Variants in EXOC2 observed in about 807,000 individuals in gnomAD.
The protein encoded by EXOC2 is SEC5-like 1.
Under a neutral mutation model 131.8 loss-of-function variants are expected in EXOC2, and 70 were observed. The ratio of observed to expected loss-of-function variants is 0.53; its 90% CI spans 0.44 to 0.65. The LOEUF (loss-of-function observed/expected upper bound fraction) is 0.65. EXOC2 is among the 30% of genes least tolerant of loss of function. The pLI is 0.00. For synonymous variants in EXOC2, 411 were observed against 398.4 expected (o/e 1.03, Z -0.38); for missense variants, 923 against 1,108.6 (o/e 0.83, Z 2.38).
intron 23 of EXOC2, among the ~76,000 whole-genome samples, chr6:513,547 C>G (rs1314118046): frequency 1.3e-5 from 2 of 152,216 alleles, no homozygotes; most frequent in African/African-American, 4.8e-5. Flanking sequence ...CATAAAACCT[C>G]TTATTAAATT....
At chr6:691,009 G>A (rs1284948917) in intron 1 of EXOC2, among the ~76,000 whole-genome samples, 1 of 152,184 alleles carries the variant, frequency 6.6e-6, no homozygotes, top group Non-Finnish European at 1.5e-5. Context: ...CACCTACTAT[G>A]TGGCAGACGC....
chr6:489,969 G>C (rs942334164), intron 26 of EXOC2, among the ~76,000 whole-genome samples: 3 of 152,230 alleles, frequency 2.0e-5, no homozygotes, highest in Non-Finnish European at 4.4e-5. Flanking sequence ...TGTGGGACGG[G>C]TGGCTTGGCG....
At chr6:674,728 T>C (rs67934143) in intron 1 of EXOC2, among the ~76,000 whole-genome samples, 13,707 of 150,960 alleles carry the variant, frequency 0.091, 691 homozygotes, top group Admixed American at 0.13. Flanking sequence ...GTTTGTTTGT[T>C]TGTTTGTTTG....
intron 1 of EXOC2, among the ~76,000 whole-genome samples, chr6:652,429 A>G (rs563776495): frequency 4.7e-4 from 71 of 152,316 alleles, no homozygotes; most frequent in Non-Finnish European, 4.4e-5. Flanking sequence ...GTGTTTTATC[A>G]CCAAATCTAG....
intron 1 of EXOC2, among the ~76,000 whole-genome samples, chr6:670,492 T>TA (rs559216942): frequency 0.013 from 1,903 of 144,902 alleles, 14 homozygotes; most frequent in Middle Eastern, 0.021. Flanking sequence ...TTTTTTAATT[T>TA]AAAAAAAAAA....
chr6:552,420 C>CA (rs2127570229), intron 21 of EXOC2, among the ~76,000 whole-genome samples: 1 of 152,360 alleles, frequency 6.6e-6, no homozygotes, highest in Non-Finnish European at 1.5e-5. Context: ...GGGGCGACTC[C>CA]ACCTGCAATT....
At chr6:647,878 T>C (rs563532811) in intron 1 of EXOC2, among the ~76,000 whole-genome samples, 5 of 151,874 alleles carry the variant, frequency 3.3e-5, no homozygotes, top group Non-Finnish European at 5.9e-5. Context: ...TGGGCCACCA[T>C]GGATAGCCAT....
chr6:649,418 T>C (rs1409851202), intron 1 of EXOC2, among the ~76,000 whole-genome samples: 1 of 152,196 alleles, frequency 6.6e-6, no homozygotes, highest in South Asian at 2.1e-4. Context: ...CACAGGTATA[T>C]AAGATGGGCT....
At chr6:493,639 C>G (rs1411650464) in intron 25 of EXOC2, among the ~76,000 whole-genome samples, 1 of 152,218 alleles carries the variant, frequency 6.6e-6, no homozygotes, top group Non-Finnish European at 1.5e-5. Context: ...CAGGACAGTT[C>G]TGGAGTTTGG....
chr6:607,074 T>G (rs1461746754), intron 7 of EXOC2, among the ~76,000 whole-genome samples: 2 of 152,180 alleles, frequency 1.3e-5, no homozygotes, highest in African/African-American at 2.4e-5. Flanking sequence ...CACCTGTCAT[T>G]TACACAGCGA....
chr6:690,753 T>C (rs1764887168), intron 1 of EXOC2, among the ~76,000 whole-genome samples: 3 of 152,188 alleles, frequency 2.0e-5, no homozygotes, highest in African/African-American at 4.8e-5. Flanking sequence ...TTTAAGTTTG[T>C]GTATTCATAT....
chr6:656,490 G>A, intron 1 of EXOC2: 1 of 1,608,714 alleles, frequency 6.2e-7, no homozygotes, highest in Non-Finnish European at 8.5e-7. Context: ...CGCGTCGGAG[G>A]CGCGCAGGCT....
At chr6:606,950 G>T (rs1360538580) in intron 7 of EXOC2, among the ~76,000 whole-genome samples, 1 of 152,204 alleles carries the variant, frequency 6.6e-6, no homozygotes, top group Non-Finnish European at 1.5e-5. Context: ...TTGTCACTGG[G>T]AGATAAGGAG....
At chr6:489,670 T>G (rs930248548) in intron 26 of EXOC2, among the ~76,000 whole-genome samples, 2 of 152,206 alleles carry the variant, frequency 1.3e-5, no homozygotes, top group African/African-American at 2.4e-5. Context: ...ATGAAAAGCA[T>G]CATAGGGGAG....
At chr6:618,848 C>T (rs62385140) in intron 5 of EXOC2, among the ~76,000 whole-genome samples, 1 of 152,092 alleles carries the variant, frequency 6.6e-6, no homozygotes, top group East Asian at 1.9e-4. Flanking sequence ...TTGATTTATC[C>T]AAACATTTTT....
chr6:525,285 ACTAAG>A (rs1280177760), intron 23 of EXOC2: 1 of 152,256 alleles, frequency 6.6e-6, no homozygotes, highest in Non-Finnish European at 1.5e-5. Flanking sequence ...TAGTGCTACT[ACTAAG>A]CTAACTTTAC....
intron 23 of EXOC2, among the ~76,000 whole-genome samples, chr6:516,468 G>C (rs1765172416): frequency 6.6e-6 from 1 of 152,238 alleles, no homozygotes; most frequent in Non-Finnish European, 1.5e-5. Context: ...TGGCTGAGCT[G>C]TCATCATATG....
intron 6 of EXOC2, among the ~76,000 whole-genome samples, chr6:615,185 GTGTGTGT>G (rs1760927298): frequency 1.7e-5 from 2 of 120,930 alleles, no homozygotes; most frequent in African/African-American, 9.1e-5. Context: ...GGGTGTGGGT[GTGTGTGT>G]GTGTGTGTGT....
At chr6:490,981 C>A (rs900650490) in intron 26 of EXOC2, 144 bp downstream of exon 26, 2 of 800,238 alleles carry the variant, frequency 2.5e-6, no homozygotes, top group Non-Finnish European at 4.2e-6. Context: ...CATTGTGTTA[C>A]AAAGTGGCCT....
Sources: gnomAD v4.1 joint callset for allele counts (sites outside exome capture counted in the v4.1 genomes callset) on GRCh38, gnomAD v4.1.1 for gene constraint, MANE v1.5 for transcripts, NCBI Gene and HGNC (gene_info 2026-07-23, HGNC 2026-07-21) for gene names.